The following SLC25A21 variants were observed in gnomAD, a reference collection of about 807,000 sequenced individuals.
The protein encoded by SLC25A21 is solute carrier family 25 member 21.
In SLC25A21, 47 loss-of-function variants were observed where a neutral mutation model predicts 43.8. That is an observed-to-expected ratio of 1.07 (90% CI 0.85 to 1.37). SLC25A21 has a LOEUF of 1.37. Among genes scored for constraint, SLC25A21 ranks in the 40% most tolerant of loss-of-function variants. The probability of loss-of-function intolerance (pLI) is 0.00; values close to 1 mark genes in which losing one functional copy is unlikely to be tolerated. For synonymous variants in SLC25A21, 131 were observed against 121.3 expected, an observed-to-expected ratio of 1.08 and a Z score of -0.52; for missense variants, 352 against 350.2, an observed-to-expected ratio of 1.00 and a Z score of -0.04.
intron 7 of SLC25A21, among the ~76,000 whole-genome samples, chr14:36,695,007 G>T (rs1363095361): frequency 6.6e-6 from 1 of 152,170 alleles, no homozygotes; most frequent in Non-Finnish European, 1.5e-5. Context: ...GAATGGTACT[G>T]CCTAGGTTTT....
At chr14:37,031,776 CAT>C (rs1961216101) in intron 1 of SLC25A21, among the ~76,000 whole-genome samples, 1 of 152,152 alleles carries the variant, frequency 6.6e-6, no homozygotes, top group South Asian at 2.1e-4. Flanking sequence ...CATCATTTTA[CAT>C]ATGAGGCTAC....
intron 2 of SLC25A21, among the ~76,000 whole-genome samples, chr14:36,823,303 C>G (rs561602467): frequency 6.6e-6 from 1 of 152,278 alleles, no homozygotes; most frequent in Non-Finnish European, 1.5e-5. Context: ...CAAGCATAAA[C>G]TGGTCTCCAT....
chr14:36,899,445 T>A (rs1204007402), intron 1 of SLC25A21, among the ~76,000 whole-genome samples: 1 of 152,210 alleles, frequency 6.6e-6, no homozygotes, highest in Non-Finnish European at 1.5e-5. Context: ...TGGCACCGTC[T>A]CCGAACTAAA....
chr14:36,854,418 A>T (rs1566677234), intron 2 of SLC25A21, among the ~76,000 whole-genome samples: 1 of 152,208 alleles, frequency 6.6e-6, no homozygotes, highest in African/African-American at 2.4e-5. Context: ...CAAGTAGTGT[A>T]ATAGATGTTA....
chr14:37,166,160 A>G (rs1964027069), intron 1 of SLC25A21, among the ~76,000 whole-genome samples: 1 of 152,206 alleles, frequency 6.6e-6, no homozygotes, highest in Admixed American at 6.5e-5. Context: ...CTAGATTTCA[A>G]TTCCTACTTG....
At chr14:36,913,116 A>G (rs548896977) in intron 1 of SLC25A21, among the ~76,000 whole-genome samples, 1 of 151,634 alleles carries the variant, frequency 6.6e-6, no homozygotes, top group East Asian at 1.9e-4. Flanking sequence ...TTCATTTCAA[A>G]GGTGTTTAAC....
At chr14:36,973,839 A>G (rs1678770085) in intron 1 of SLC25A21, among the ~76,000 whole-genome samples, 1 of 152,226 alleles carries the variant, frequency 6.6e-6, no homozygotes, top group African/African-American at 2.4e-5. Flanking sequence ...ATTCATTTAA[A>G]GGATGAAAAT....
At chr14:37,029,235 TCAGA>T (rs771803747) in intron 1 of SLC25A21, among the ~76,000 whole-genome samples, 2 of 152,164 alleles carry the variant, frequency 1.3e-5, no homozygotes, top group Non-Finnish European at 2.9e-5. Context: ...TTTTTTCCTT[TCAGA>T]CAGTTAATGT....
At chr14:36,737,236 T>TA (rs1478842894) in intron 3 of SLC25A21, among the ~76,000 whole-genome samples, 2 of 152,226 alleles carry the variant, frequency 1.3e-5, no homozygotes, top group African/African-American at 4.8e-5. Flanking sequence ...TAAAGTCTTC[T>TA]AAGTACACAG....
At chr14:37,095,843 C>CA (rs71124789) in intron 1 of SLC25A21, among the ~76,000 whole-genome samples, 3 of 24,438 alleles carry the variant, frequency 1.2e-4, no homozygotes, top group East Asian at 2.0e-3. Flanking sequence ...CACACACACA[C>CA]AAAAAACACC....
chr14:36,994,433 C>A (rs546830691), intron 1 of SLC25A21, among the ~76,000 whole-genome samples: 3 of 152,282 alleles, frequency 2.0e-5, no homozygotes, highest in African/African-American at 7.2e-5. Context: ...TGCATATATT[C>A]AATAAATGGC....
intron 1 of SLC25A21, among the ~76,000 whole-genome samples, chr14:36,916,557 T>A (rs1001115406): frequency 6.6e-6 from 1 of 152,182 alleles, no homozygotes; most frequent in South Asian, 2.1e-4. Context: ...CTGAAACACA[T>A]GAAAAGATGC....
At chr14:36,873,142 G>T (rs548854958) in intron 2 of SLC25A21, among the ~76,000 whole-genome samples, 2 of 152,214 alleles carry the variant, frequency 1.3e-5, no homozygotes, top group African/African-American at 4.8e-5. Context: ...ACAATAATCT[G>T]GCTTCTCAAA....
chr14:37,067,798 T>C (rs1962091559), intron 1 of SLC25A21, among the ~76,000 whole-genome samples: 1 of 152,208 alleles, frequency 6.6e-6, no homozygotes, highest in South Asian at 2.1e-4. Flanking sequence ...TCAGAATACA[T>C]GTAGATTTAC....
intron 1 of SLC25A21, among the ~76,000 whole-genome samples, chr14:36,958,081 C>T (rs1959388963): frequency 6.6e-6 from 1 of 151,336 alleles, no homozygotes; most frequent in African/African-American, 2.4e-5. Context: ...TTTTTTTTAG[C>T]TCAACCATTA....
At chr14:36,768,522 A>G (rs963240147) in intron 3 of SLC25A21, among the ~76,000 whole-genome samples, 2 of 152,132 alleles carry the variant, frequency 1.3e-5, no homozygotes, top group African/African-American at 4.8e-5. Context: ...AGGCTTTCTA[A>G]TTGTGGCTGC....
chr14:37,041,672 G>A (rs980101721), intron 1 of SLC25A21, among the ~76,000 whole-genome samples: 8 of 152,142 alleles, frequency 5.3e-5, no homozygotes, highest in South Asian at 4.1e-4. Flanking sequence ...ATAGTAATGT[G>A]TCTAGAGCAG....
At chr14:36,902,551 A>G (rs1333937480) in intron 1 of SLC25A21, among the ~76,000 whole-genome samples, 3 of 152,182 alleles carry the variant, frequency 2.0e-5, no homozygotes, top group African/African-American at 7.2e-5. Context: ...CGGATTTTGG[A>G]AAAAGGAAGG....
chr14:36,900,848 T>C lies in SLC25A21; in HGVS notation c.71-25844A>G, dbSNP rs183494001. ...ATAACAACTCTGGGAGCCATTGCAATAGGGCATTTTGATTATTAAAACTGT... is the reference window on the plus strand; with the variant it reads ...ATAACAACTCTGGGAGCCATTGCAACAGGGCATTTTGATTATTAAAACTGT... On this transcript the variant is annotated intron_variant, in intron 1 of 9. Transcript: ENST00000331299. Among the ~76,000 whole-genome samples, 75 of 152,294 alleles carry C rather than the reference T, an allele frequency of 4.9e-4. 1 individual carries two copies. The highest frequency in any genetic ancestry group is 1.8e-3 in the African/African-American group (74 of 41,572).
Sources: gnomAD v4.1 joint callset for allele counts (sites outside exome capture counted in the v4.1 genomes callset) on GRCh38, gnomAD v4.1.1 for gene constraint, MANE v1.5 for transcripts, NCBI Gene and HGNC (gene_info 2026-07-23, HGNC 2026-07-21) for gene names.